MMP9: variants seen among roughly 807,000 people sequenced by gnomAD.
MMP9 encodes the protein matrix metallopeptidase 9, also known as matrix metalloproteinase-9.
Under a neutral mutation model 76.4 loss-of-function variants are expected in MMP9, and 73 were observed. The observed-to-expected ratio is 0.96, with a 90% confidence interval of 0.79 to 1.16. The LOEUF is 1.16. MMP9 is among the 50% of genes most tolerant of loss of function. The pLI, the probability that MMP9 is intolerant of heterozygous loss-of-function variation, is 0.00. For missense variants in MMP9, 943 were observed against 973.0 expected, an observed-to-expected ratio of 0.97 and a Z score of 0.41; for synonymous variants, 412 against 408.4, an observed-to-expected ratio of 1.01 and a Z score of -0.11.
chr20:46,014,951 G>T (rs2084309643), intron 12 of MMP9, among the ~76,000 whole-genome samples: 1 of 152,156 alleles, frequency 6.6e-6, no homozygotes, highest in South Asian at 2.1e-4. Context: ...TTGACAAGGT[G>T]AACAAGATTT....
rs762864452 is a variant in MMP9 at position 46,012,536 on chromosome 20, G to A, written c.1284G>A (p.Gly428=). The change falls in exon 8 of 13, where the codon GGG becomes GGA. Residue 428 remains glycine (G), a synonymous_variant. Coordinates refer to ENST00000372330, the MANE Select transcript of MMP9 (RefSeq NM_004994.3). ...ACCCTATGTACCGCTTCACTGAGGGGCCCCCCTTGCATAAGGACGACGTGA... is the reference window on the plus strand; with the variant it reads ...ACCCTATGTACCGCTTCACTGAGGGACCCCCCTTGCATAAGGACGACGTGA... ...LMYPMYRFTE[G]PPLHKDDVNG... 3.1e-6 allele frequency: 5 copies of A among 1,614,124 alleles called. No individual in the cohort carries two copies. The highest frequency in any genetic ancestry group is 4.2e-6 in the Non-Finnish European group (5 of 1,180,032).
Position 46,011,601 on chromosome 20 carries a change from A to G in MMP9, c.851A>G (p.Asp284Gly). The change falls in exon 6 of 13, where the codon GAT (aspartate) becomes GGT (glycine). Residue 284 changes from aspartate to glycine, a missense_variant. By Grantham distance (94) the Asp-to-Gly change is moderately conservative. Coordinates refer to ENST00000372330, the MANE Select transcript of MMP9 (RefSeq NM_004994.3). Reference sequence around the variant, plus strand: ...CTCTACACCCAGGACGGCAATGCTGATGGGAAACCCTGCCAGTTTCCATTC... The same window carrying G: ...CTCTACACCCAGGACGGCAATGCTGGTGGGAAACCCTGCCAGTTTCCATTC... ...ERLYTQDGNA[D>G]GKPCQFPFIF... is the part of the protein sequence containing the mutation. 6.2e-7 allele frequency: 1 copy of G among 1,613,384 alleles called. No individual in the cohort carries two copies. The highest frequency in any genetic ancestry group is 8.5e-7 in the Non-Finnish European group (1 of 1,179,870).
chr20:46,012,520 A>G lies in MMP9; in HGVS notation c.1268A>G (p.Tyr423Cys), dbSNP rs1225079917. The G allele has an allele frequency of 2.1e-5, 34 of 1,613,762 alleles. No individual in the cohort carries two copies. The highest frequency in any genetic ancestry group is 2.8e-5 in the Non-Finnish European group (33 of 1,179,854). Residue 423 changes from tyrosine (Y) to cysteine (C), a missense_variant, in exon 8 of 13, where the codon TAC (tyrosine) becomes TGC (cysteine). Tyr to Cys is a radical substitution (Grantham distance 194, BLOSUM62 -2). Coordinates refer to ENST00000372330, the MANE Select transcript of MMP9 (RefSeq NM_004994.3). ...SVPEALMYPMYRFTEGPPLHK... is the reference protein window; with the variant it reads ...SVPEALMYPMCRFTEGPPLHK... ...CCGGAGGCGCTCATGTACCCTATGT[A>G]CCGCTTCACTGAGGGGCCCCCCTTG...
chr20:46,011,757 C>T lies in MMP9; in HGVS notation c.997+10C>T, dbSNP rs554403657. On this transcript the variant is annotated intron_variant, in intron 6 of 12. Transcript: ENST00000372330. ...TTCTGCCCGACCCGAGGTACCTCCA[C>T]CCTGTCTACCAGGTTCAGCCCCGCC... is the stretch of plus-strand genomic sequence containing the variant. 4.4e-6 allele frequency: 7 copies of T among 1,607,440 alleles called. No homozygotes were observed. The African/African-American group carries it at 8.0e-5, about 18-fold the overall frequency.
chr20:46,012,660 G>T, intron 8 of MMP9, 78 bp downstream of exon 8: 242 of 1,267,354 alleles, frequency 1.9e-4, no homozygotes, highest in Non-Finnish European at 2.2e-4. Flanking sequence ...GGGGGTTGGG[G>T]ATCGGGGGAG....
Position 46,016,528 on chromosome 20 carries a change from G to T in MMP9, c.*160G>T. 1 of 667,916 alleles carries T rather than the reference G, an allele frequency of 1.5e-6. No individual in the cohort carries two copies. The highest frequency in any genetic ancestry group is 2.7e-6 in the Non-Finnish European group (1 of 366,306). 41.4% of individuals were successfully genotyped at this position (667,916 alleles called of 1,614,324 possible). Reference sequence around the variant, plus strand: ...CTTCTCACCTTTGTTTTTTGTTGGAGTGTTTCTAATAAACTTGGATTCTCT... The same window carrying T: ...CTTCTCACCTTTGTTTTTTGTTGGATTGTTTCTAATAAACTTGGATTCTCT... On this transcript the variant is annotated 3_prime_UTR_variant, in exon 13 of 13. Transcript: ENST00000372330.
Position 46,016,497 on chromosome 20 carries a change from C to T in MMP9, c.*129C>T, listed in dbSNP as rs1267935170. The T allele has an allele frequency of 3.9e-6, 3 of 778,852 alleles. No homozygotes were observed. Among genetic ancestry groups the T allele is most frequent in the East Asian group, 5.2e-5 (2 of 38,618 alleles). The allele number at this position is 778,852 out of a possible 1,614,324, so 48.2% of individuals were successfully genotyped here. On this transcript the variant is annotated 3_prime_UTR_variant, in exon 13 of 13. Transcript: ENST00000372330. Reference sequence around the variant, plus strand: ...AAGGGAGGAGTGGAGGTGGGCTGGGCCCTCTCTTCTCACCTTTGTTTTTTG... The same window carrying T: ...AAGGGAGGAGTGGAGGTGGGCTGGGTCCTCTCTTCTCACCTTTGTTTTTTG...
chr20:46,010,751 C>A, intron 3 of MMP9, 120 bp downstream of exon 3: 1 of 1,542,686 alleles, frequency 6.5e-7, no homozygotes, highest in South Asian at 1.2e-5. Context: ...GCTGCCCTGG[C>A]TTATACGGCC....
At chr20:46,015,760 A>G (rs1033624650) in intron 12 of MMP9, among the ~76,000 whole-genome samples, 1 of 152,124 alleles carries the variant, frequency 6.6e-6, no homozygotes. Flanking sequence ...CGCTTTCTAT[A>G]TTTTCAAAAC....
chr20:46,010,686 G>A (rs538849897), intron 3 of MMP9, 55 bp downstream of exon 3: 4 of 1,577,804 alleles, frequency 2.5e-6, no homozygotes, highest in Non-Finnish European at 3.4e-6. Context: ...AGGGAAGGGA[G>A]GACCACGGAG....
intron 11 of MMP9, 25 bp downstream of exon 11, chr20:46,014,299 A>G: frequency 6.5e-7 from 1 of 1,533,200 alleles, no homozygotes; most frequent in Non-Finnish European, 8.8e-7. Flanking sequence ...GGCCGCCGGC[A>G]GGGGGAGCCC....
In MMP9 at chr20:46,013,953, C is replaced by T; in HGVS notation, c.1750+157C>T. On this transcript the variant is annotated intron_variant, in intron 10 of 12. Transcript: ENST00000372330. This position sits in a 1 kb window ranked among gnomAD's most constrained non-coding sequence, Gnocchi z 4.5. ...AAACGTAGGGGCGGCTGAGTTTCTG[C>T]CCCCTCCTCTCCACGCCCTCGCGTC... is the stretch of plus-strand genomic sequence containing the variant. 1.4e-6 allele frequency: 2 copies of T among 1,388,472 alleles called. No individual in the cohort carries two copies. The highest frequency in any genetic ancestry group is 2.0e-6 in the Non-Finnish European group (2 of 1,022,242). The allele number at this position is 1,388,472 out of a possible 1,614,324, so 86.0% of individuals were successfully genotyped here. A position where few individuals can be genotyped will look rare whatever the true frequency, so the allele number is the denominator to read the frequency against.
At position 46,013,934 on chromosome 20, in the gene MMP9, A is replaced by G; in HGVS notation, c.1750+138A>G. 2 of 1,429,622 alleles carry G rather than the reference A, an allele frequency of 1.4e-6. No individual in the cohort carries two copies. The highest frequency in any genetic ancestry group is 1.9e-6 in the Non-Finnish European group (2 of 1,051,676). 88.6% of individuals were successfully genotyped at this position (1,429,622 alleles called of 1,614,324 possible). On this transcript the variant is annotated intron_variant, in intron 10 of 12. Coordinates refer to ENST00000372330, the MANE Select transcript of MMP9 (RefSeq NM_004994.3). The surrounding 1 kb of genome is among the most constrained non-coding windows in gnomAD (Gnocchi z 4.5). Reference sequence around the variant, plus strand: ...CTGGCGGACGCAGTTTAGCAAACGTAGGGGCGGCTGAGTTTCTGCCCCCTC... The same window carrying G: ...CTGGCGGACGCAGTTTAGCAAACGTGGGGGCGGCTGAGTTTCTGCCCCCTC...
intron 12 of MMP9, among the ~76,000 whole-genome samples, 156 bp from the exon 13 acceptor site, chr20:46,016,094 C>T (rs758842923): frequency 4.6e-5 from 7 of 152,228 alleles, no homozygotes; most frequent in Non-Finnish European, 1.0e-4. Context: ...CACAGAACCT[C>T]ACAGCATCTC....
At chr20:46,011,770 G>A (rs1267302795) in intron 6 of MMP9, 23 bp downstream of exon 6, 1 of 1,599,052 alleles carries the variant, frequency 6.3e-7, no homozygotes, top group African/African-American at 1.3e-5. Flanking sequence ...TGTCTACCAG[G>A]TTCAGCCCCG....
Position 46,014,272 on chromosome 20 carries a change from G to A in MMP9, c.1899G>A (p.Trp633Ter). 1 of 1,526,118 alleles carries A rather than the reference G, an allele frequency of 6.6e-7. No homozygotes were observed. Among genetic ancestry groups the A allele is most frequent in the Non-Finnish European group, 8.8e-7 (1 of 1,139,958 alleles). The allele number at this position is 1,526,118 out of a possible 1,614,324, so 94.5% of individuals were successfully genotyped here. ...KMLLFSGRRL[W>*]RFDVKAQMVD... ...TGCTGTTCAGCGGGCGGCGCCTCTG[G>A]AGGTGAGCGCCGCCGCGGCCGCCGG... The change falls in exon 11 of 13, where the codon TGG becomes TGA. Residue 633 changes from tryptophan (W) to a stop codon, truncating the protein, a stop_gained and splice_region_variant. Coordinates refer to ENST00000372330, the MANE Select transcript of MMP9 (RefSeq NM_004994.3). LOFTEE classifies it high-confidence loss of function.
In MMP9 at chr20:46,016,285, C is replaced by G. The variant is rs771094559; in HGVS notation, c.2041C>G (p.Arg681Gly). ...AYFCQDRFYW[R>G]VSSRSELNQV... is the part of the protein sequence containing the mutation. The stretch of plus-strand genomic sequence containing the variant: ...TTTCTGCCAGGACCGCTTCTACTGG[C>G]GCGTGAGTTCCCGGAGTGAGTTGAA... Residue 681 changes from arginine to glycine, a missense_variant, in exon 13 of 13, where the codon CGC becomes GGC. Physicochemically the swap from Arg to Gly is moderately radical, Grantham distance 125. Transcript: ENST00000372330. 2 of 1,614,228 alleles carry G rather than the reference C, an allele frequency of 1.2e-6. No individual in the cohort carries two copies. The highest frequency in any genetic ancestry group is 1.7e-6 in the Non-Finnish European group (2 of 1,180,042).
chr20:46,011,282 C>T lies in MMP9; in HGVS notation c.789C>T (p.Asp263=), dbSNP rs1200785312. The T allele has an allele frequency of 1.9e-6, 3 of 1,608,790 alleles. No individual in the cohort carries two copies. Among genetic ancestry groups the T allele is most frequent in the Non-Finnish European group, 1.7e-6 (2 of 1,178,884 alleles). ...LPWCSTTANY[D]TDDRFGFCPS... is the part of the protein sequence containing the mutation. ...GGTGCAGTACCACGGCCAACTACGA[C>T]ACCGACGACCGGTTTGGCTTCTGCC... The change falls in exon 5 of 13, where the codon GAC becomes GAT. Residue 263 remains aspartate (D), a synonymous_variant. Coordinates refer to ENST00000372330, the MANE Select transcript of MMP9 (RefSeq NM_004994.3).
rs200676629 is a variant in MMP9, at chr20:46,010,112, G to A, written c.371+14G>A. 3.9e-6 allele frequency: 6 copies of A among 1,539,182 alleles called. No homozygotes were observed. Among genetic ancestry groups the A allele is most frequent in the Non-Finnish European group, 3.5e-6 (4 of 1,138,454 alleles). On this transcript the variant is annotated intron_variant, in intron 2 of 12. Coordinates refer to ENST00000372330, the MANE Select transcript of MMP9 (RefSeq NM_004994.3). ...CATCACCTATTGGTGAGCCGGGGCC[G>A]TGGGGGCAGCGGGGTGGGGCGGGGA...
Sources: allele counts gnomAD v4.1 joint callset (sites outside exome capture counted in the v4.1 genomes callset), GRCh38; gene constraint gnomAD v4.1.1; non-coding constraint Gnocchi (gnomAD v3.1); transcripts MANE v1.5; gene names NCBI Gene and HGNC (gene_info 2026-07-23, HGNC 2026-07-21).